The following SRRM1 variants were observed in gnomAD, a reference collection of about 807,000 sequenced individuals.
SRRM1 encodes the protein serine and arginine repetitive matrix 1.
In SRRM1, 19 loss-of-function variants were observed where a neutral mutation model predicts 110.2. The observed-to-expected ratio is 0.17, with a 90% confidence interval of 0.12 to 0.25. The LOEUF (loss-of-function observed/expected upper bound fraction) is 0.25, where lower values mean the gene tolerates loss of function less well. Ranked by LOEUF, SRRM1 falls within the 10% of genes least tolerant of loss-of-function variation. SRRM1 has a pLI of 1.00. For synonymous variants in SRRM1, 443 were observed against 414.9 expected, an observed-to-expected ratio of 1.07 and a Z score of -0.82; for missense variants, 918 against 1,145.8, an observed-to-expected ratio of 0.80 and a Z score of 2.87.
chr1:24,666,666 G>A, intron 12 of SRRM1, 149 bp from the exon 13 acceptor site: 1 of 590,466 alleles, frequency 1.7e-6, no homozygotes, highest in South Asian at 2.0e-5. Flanking sequence ...TCAGGAGGCT[G>A]AGGGGGGAGA....
Position 24,648,924 on chromosome 1 carries a change from A to G in SRRM1, c.300A>G (p.Glu100=). 1 of 1,613,678 alleles carries G rather than the reference A, an allele frequency of 6.2e-7. No homozygotes were observed. Among genetic ancestry groups the G allele is most frequent in the Non-Finnish European group, 8.5e-7 (1 of 1,179,868 alleles). The change falls in exon 4 of 17, where the codon GAA becomes GAG. Residue 100 remains glutamate, a synonymous_variant. Coordinates refer to ENST00000323848, the MANE Select transcript of SRRM1 (RefSeq NM_005839.4). The part of the protein sequence containing the change: ...TGFLNGKNAR[E]FMGELWPLLL... ...TTTTGAATGGAAAAAATGCTCGAGA[A>G]TTTATGGGAGAACTGTGGCCCCTGC...
At chr1:24,670,426 C>A in intron 15 of SRRM1, 111 bp downstream of exon 15, 1 of 1,156,658 alleles carries the variant, frequency 8.6e-7, no homozygotes, top group Non-Finnish European at 1.2e-6. Flanking sequence ...ACTTTTTTTC[C>A]CATTTGTGAG....
At chr1:24,650,580 G>A (rs1278803401) in intron 5 of SRRM1, 1 of 152,188 alleles carries the variant, frequency 6.6e-6, no homozygotes, top group Admixed American at 6.5e-5. Flanking sequence ...CTATTGTTAG[G>A]TTCACATTTT....
rs879034638 is a variant in SRRM1, at chr1:24,662,943, CTGTTT to C, written c.1628+151_1628+155del. On this transcript the variant is annotated intron_variant, in intron 12 of 16. Coordinates refer to ENST00000323848, the MANE Select transcript of SRRM1 (RefSeq NM_005839.4). ...GATTTTTGTTTGCTTTTTAGGGTTTCTGTTTTGTTTTGTTTTTGCTTTATTGGTGG... is the reference window on the plus strand; with the variant it reads ...GATTTTTGTTTGCTTTTTAGGGTTTCTGTTTTGTTTTTGCTTTATTGGTGG... 5.8e-5 allele frequency: 73 copies of C among 1,251,806 alleles called. No individual in the cohort carries two copies. The East Asian group carries it at 8.1e-4, about 14-fold the overall frequency. 77.5% of individuals were successfully genotyped at this position (1,251,806 alleles called of 1,614,324 possible). A position where few individuals can be genotyped will look rare whatever the true frequency, so the allele number is the denominator to read the frequency against.
At chr1:24,660,290 TTTCCTTTAAC>T (rs1484083083) in intron 9 of SRRM1, among the ~76,000 whole-genome samples, 6 of 152,226 alleles carry the variant, frequency 3.9e-5, no homozygotes, top group Non-Finnish European at 8.8e-5. Context: ...CAGCTCCCAA[TTTCCTTTAAC>T]TGTTGGTTTT....
rs551290601 is a variant in SRRM1 at position 24,662,988 on chromosome 1, T to C, written c.1628+184T>C. 8.8e-5 allele frequency: 88 copies of C among 995,254 alleles called. No individual in the cohort carries two copies. The African/African-American group carries it at 1.3e-3, about 14-fold the overall frequency. The allele number at this position is 995,254 out of a possible 1,614,324, so 61.7% of individuals were successfully genotyped here. ...TTTATTGGTGGTTATTAATAATTAA[T>C]TTAGAATTGGTAAATTTTAAACCAC... is the stretch of plus-strand genomic sequence containing the variant. On this transcript the variant is annotated intron_variant, in intron 12 of 16. Coordinates refer to ENST00000323848, the MANE Select transcript of SRRM1 (RefSeq NM_005839.4).
chr1:24,659,251 T>C (rs1351887647), intron 9 of SRRM1, among the ~76,000 whole-genome samples: 1 of 151,994 alleles, frequency 6.6e-6, no homozygotes, highest in African/African-American at 2.4e-5. Flanking sequence ...GGCATACTGG[T>C]AAATTCTTCA....
intron 8 of SRRM1, chr1:24,654,280 C>T (rs778234862): frequency 1.6e-6 from 2 of 1,289,324 alleles, no homozygotes; most frequent in South Asian, 1.2e-5. Context: ...TTATCTCACA[C>T]TTAAGGTAGG....
chr1:24,666,402 T>G (rs1327964759), intron 12 of SRRM1, among the ~76,000 whole-genome samples: 2 of 152,190 alleles, frequency 1.3e-5, no homozygotes, highest in African/African-American at 4.8e-5. Flanking sequence ...ATTGCTGCCC[T>G]TGGGGTTAAT....
intron 5 of SRRM1, among the ~76,000 whole-genome samples, chr1:24,650,328 A>G (rs1166964448): frequency 6.6e-6 from 1 of 152,250 alleles, no homozygotes; most frequent in African/African-American, 2.4e-5. Context: ...TTCCTAAATC[A>G]AAACTTTAAA....
intron 9 of SRRM1, among the ~76,000 whole-genome samples, chr1:24,659,120 G>A (rs371898678): frequency 6.6e-6 from 1 of 152,018 alleles, no homozygotes; most frequent in Admixed American, 6.6e-5. Context: ...CTTGAACCCG[G>A]GAGGCGGAGG....
intron 9 of SRRM1, among the ~76,000 whole-genome samples, chr1:24,660,123 AC>A (rs1666384462): frequency 6.6e-6 from 1 of 152,138 alleles, no homozygotes; most frequent in African/African-American, 2.4e-5. Flanking sequence ...ACTTTTCTGA[AC>A]CCACCTATTG....
chr1:24,646,950 T>C, intron 3 of SRRM1, 161 bp downstream of exon 3: 1 of 526,290 alleles, frequency 1.9e-6, no homozygotes, highest in Non-Finnish European at 3.1e-6. Context: ...GCTGGAAGTT[T>C]AGTGAAGGTG....
Position 24,652,549 on chromosome 1 carries a change from C to T in SRRM1, c.841C>T (p.Arg281Cys), listed in dbSNP as rs753377418. Residue 281 changes from arginine to cysteine, a missense_variant, in exon 7 of 17, where the codon CGC (arginine) becomes TGC (cysteine). Physicochemically the swap from Arg to Cys is radical, Grantham distance 180 (BLOSUM62 -3). This residue lies in a region of SRRM1 where 456 missense variants were observed against 453.5 expected (regional missense o/e 1.01). Coordinates refer to ENST00000323848, the MANE Select transcript of SRRM1 (RefSeq NM_005839.4). ...GAAGACCCGACCACGATCTCGGTCA[C>T]GCTCCAAATCAAGATCCCGGACGCG... ...KEKTRPRSRS[R>C]SKSRSRTRSR... The T allele has an allele frequency of 6.8e-6, 11 of 1,613,814 alleles. No homozygotes were observed. The highest frequency in any genetic ancestry group is 7.6e-6 in the Non-Finnish European group (9 of 1,179,928).
At chr1:24,670,657 G>C (rs1345505328) in intron 15 of SRRM1, among the ~76,000 whole-genome samples, 1 of 151,948 alleles carries the variant, frequency 6.6e-6, no homozygotes, top group East Asian at 2.0e-4. Flanking sequence ...ACACCTGGCT[G>C]GTTTTTTGTT....
At chr1:24,656,876 T>C (rs1664427081) in intron 9 of SRRM1, among the ~76,000 whole-genome samples, 1 of 152,236 alleles carries the variant, frequency 6.6e-6, no homozygotes, top group African/African-American at 2.4e-5. Context: ...TTTTGGCATA[T>C]ACTTTTTGCA....
Position 24,658,573 on chromosome 1 carries a change from A to G in SRRM1, c.1316-2146A>G, listed in dbSNP as rs1205285134. The stretch of plus-strand genomic sequence containing the variant: ...TTTAATGTTTCTTAGGGGAAAATGT[A>G]TCCAAACAATCAGCTTCCAAAGCAA... On this transcript the variant is annotated intron_variant, in intron 9 of 16. Coordinates refer to ENST00000323848, the MANE Select transcript of SRRM1 (RefSeq NM_005839.4). Among the ~76,000 whole-genome samples the G allele has an allele frequency of 1.3e-5, 2 of 152,300 alleles. 1 individual carries two copies. Among genetic ancestry groups the G allele is most frequent in the South Asian group, 4.1e-4 (2 of 4,820 alleles).
chr1:24,645,662 C>G lies in SRRM1; in HGVS notation c.22-322C>G, dbSNP rs191484985. Among the ~76,000 whole-genome samples the G allele has an allele frequency of 3.3e-5, 5 of 152,210 alleles. 1 individual carries two copies. The East Asian group carries it at 9.7e-4, about 29-fold the overall frequency. ...TGTGTTCTCATTTAAACAGAAAAGCCCTACGTATCTATTAGCATAGGAAAA... is the reference window on the plus strand; with the variant it reads ...TGTGTTCTCATTTAAACAGAAAAGCGCTACGTATCTATTAGCATAGGAAAA... On this transcript the variant is annotated intron_variant, in intron 1 of 16. Coordinates refer to ENST00000323848, the MANE Select transcript of SRRM1 (RefSeq NM_005839.4).
chr1:24,669,758 TAA>T, intron 14 of SRRM1, 171 bp downstream of exon 14: 1 of 643,546 alleles, frequency 1.6e-6, no homozygotes. Context: ...TTCTGTGGTA[TAA>T]GTTAAATGCC....
Sources: gnomAD v4.1 joint callset for allele counts (sites outside exome capture counted in the v4.1 genomes callset) on GRCh38, gnomAD v4.1.1 for gene constraint, gnomAD v4.1.1 regional missense constraint, MANE v1.5 for transcripts, NCBI Gene and HGNC (gene_info 2026-07-23, HGNC 2026-07-21) for gene names.